The following ARRDC2 variants were observed in gnomAD, a reference collection of about 807,000 sequenced individuals.
ARRDC2 encodes the protein arrestin domain containing 2, also known as arrestin domain-containing protein 2.
Under a neutral mutation model 38.9 loss-of-function variants are expected in ARRDC2, and 39 were observed. That is an observed-to-expected ratio of 1.00 (90% CI 0.78 to 1.31). The LOEUF is 1.31. ARRDC2 is among the 50% of genes most tolerant of loss of function. The pLI is 0.00. For synonymous variants in ARRDC2, 300 were observed against 261.9 expected, an observed-to-expected ratio of 1.15 and a Z score of -1.41; for missense variants, 553 against 588.4, an observed-to-expected ratio of 0.94 and a Z score of 0.62.
At chr19:18,001,125 C>T, upstream of ARRDC2, 1 of 495,254 alleles carries the variant, frequency 2.0e-6, no homozygotes, top group Non-Finnish European at 2.8e-6. Context: ...GGGGCGGATG[C>T]AGAGGACCAG....
At chr19:18,001,580 C>A in intron 1 of ARRDC2, 1 of 1,320,616 alleles carries the variant, frequency 7.6e-7, no homozygotes, top group Non-Finnish European at 9.7e-7. Context: ...CGAGGTGAGA[C>A]ACTCGTCGCG....
At position 18,008,321 on chromosome 19, in the gene ARRDC2, A is replaced by G. The variant is rs773032256; in HGVS notation, c.11A>G (p.Asp4Gly). MLF[D>G]KVKAFSVQLD... ...CGCACCCCGGACGCGATGCTATTCG[A>G]CAAGGTGAAAGCGTTCTCGGTGCAG... The change falls in exon 1 of 8, where the codon GAC becomes GGC. Residue 4 changes from aspartate (D) to glycine (G), a missense_variant. This residue lies in a region of ARRDC2 where 447 missense variants were observed against 456.6 expected (regional missense o/e 0.98). Coordinates refer to ENST00000222250, the MANE Select transcript of ARRDC2 (RefSeq NM_015683.2). 4 of 1,595,030 alleles carry G rather than the reference A, an allele frequency of 2.5e-6. No individual in the cohort carries two copies. The highest frequency in any genetic ancestry group is 3.4e-6 in the Non-Finnish European group (4 of 1,178,388).
intron 7 of ARRDC2, among the ~76,000 whole-genome samples, chr19:18,012,378 G>A (rs893091073): frequency 1.3e-5 from 2 of 151,876 alleles, no homozygotes; most frequent in African/African-American, 4.8e-5. Context: ...CTTGAGGTCA[G>A]GAGTTTGAGA....
Position 18,008,535 on chromosome 19 carries a change from C to T in ARRDC2, c.225C>T (p.Tyr75=), listed in dbSNP as rs370715491. 1.8e-5 allele frequency: 28 copies of T among 1,555,158 alleles called. No individual in the cohort carries two copies. The Admixed American group carries it at 2.5e-4, about 14-fold the overall frequency. Residue 75 remains tyrosine (Y), a synonymous_variant, in exon 1 of 8, where the codon TAC becomes TAT. Transcript: ENST00000222250. Reference sequence around the variant, plus strand: ...CGAGCACGGCTTACACGCAGAGCTACAGTGAACGCGTGGAGGTCGTGAGCC... The same window carrying T: ...CGAGCACGGCTTACACGCAGAGCTATAGTGAACGCGTGGAGGTCGTGAGCC... ...AGSSTAYTQS[Y]SERVEVVSHR... is the part of the protein sequence containing the mutation.
intron 7 of ARRDC2, among the ~76,000 whole-genome samples, chr19:18,011,952 A>ATATATTT (rs1408676551): frequency 2.0e-5 from 2 of 100,780 alleles, no homozygotes; most frequent in African/African-American, 4.3e-5. Context: ...ATATATATAT[A>ATATATTT]TTTTTTTTTT....
intron 6 of ARRDC2, 49 bp downstream of exon 6, chr19:18,010,407 A>G (rs1430116866): frequency 6.3e-7 from 1 of 1,585,196 alleles, no homozygotes; most frequent in East Asian, 2.2e-5. Context: ...ATACACGGAG[A>G]GGTGGATGCC....
exon 1 of ARRDC2, chr19:18,001,549 C>T (rs2145993417): frequency 1.5e-6 from 2 of 1,376,820 alleles, no homozygotes; most frequent in African/African-American, 1.5e-5. Flanking sequence ...GACCTACCTG[C>T]GGCGTCGGCA....
At chr19:18,012,792 AC>A in intron 7 of ARRDC2, 120 bp from the exon 8 acceptor site, 1 of 1,011,162 alleles carries the variant, frequency 9.9e-7, no homozygotes. Flanking sequence ...CCTAGACACC[AC>A]CTCCTGATGG....
Position 18,008,376 on chromosome 19 carries a change from C to G in ARRDC2, c.66C>G (p.Pro22=), listed in dbSNP as rs773020251. Residue 22 remains proline (P), a synonymous_variant, in exon 1 of 8, where the codon CCC becomes CCG. Coordinates refer to ENST00000222250, the MANE Select transcript of ARRDC2 (RefSeq NM_015683.2). ...ACGGCGCGACCGCGGGCGTCGAGCC[C>G]GTGTTTAGCGGCGGCCAGGCCGTGG... The part of the protein sequence containing the change: ...QLDGATAGVE[P]VFSGGQAVAG... The G allele has an allele frequency of 1.9e-6, 3 of 1,595,436 alleles. No individual in the cohort carries two copies. The highest frequency in any genetic ancestry group is 2.5e-6 in the Non-Finnish European group (3 of 1,178,496).
At chr19:18,003,302 T>C (rs2033213003), upstream of ARRDC2, among the ~76,000 whole-genome samples, 2 of 152,132 alleles carry the variant, frequency 1.3e-5, no homozygotes, top group Admixed American at 1.3e-4. Context: ...GGTCTTACTC[T>C]GTTACTCAGG....
intron 7 of ARRDC2, among the ~76,000 whole-genome samples, chr19:18,011,467 A>G (rs181287637): frequency 2.0e-5 from 3 of 152,174 alleles, no homozygotes; most frequent in Non-Finnish European, 4.4e-5. Flanking sequence ...GAATTTCGCT[A>G]CATACAGTCG....
chr19:18,008,289 G>C lies in ARRDC2; in HGVS notation c.-22G>C. 6.3e-7 allele frequency: 1 copy of C among 1,587,776 alleles called. No homozygotes were observed. Among genetic ancestry groups the C allele is most frequent in the South Asian group, 1.1e-5 (1 of 90,268 alleles). ...AGTTCGAGGCCAGGTTCCGCCTGTCGTGGGTTCGCACCCCGGACGCGATGC... is the reference window on the plus strand; with the variant it reads ...AGTTCGAGGCCAGGTTCCGCCTGTCCTGGGTTCGCACCCCGGACGCGATGC... On this transcript the variant is annotated 5_prime_UTR_variant, in exon 1 of 8. Transcript: ENST00000222250.
upstream of ARRDC2, among the ~76,000 whole-genome samples, chr19:18,005,281 A>G (rs954387786): frequency 2.0e-5 from 3 of 152,242 alleles, no homozygotes; most frequent in South Asian, 2.1e-4. Context: ...GACACAGCAC[A>G]TGTTTCAGAG....
chr19:18,009,772 C>G lies in ARRDC2; in HGVS notation c.593-11C>G, dbSNP rs372826681. 1.9e-6 allele frequency: 3 copies of G among 1,613,016 alleles called. No homozygotes were observed. The highest frequency in any genetic ancestry group is 2.7e-5 in the African/African-American group (2 of 74,916). On this transcript the variant is annotated splice_polypyrimidine_tract_variant and intron_variant, in intron 4 of 7. Transcript: ENST00000222250. The stretch of plus-strand genomic sequence containing the variant: ...GAGGGGAAACTGAGGCCCCACTGCT[C>G]CTTGCTGCAGGAGAGGTCATCCCTG...
rs1375920554 is a variant in ARRDC2, at chr19:18,013,631, G to T, written c.*665G>T. Reference sequence around the variant, plus strand: ...CTATGTGGAGTCTGTGGGTGGCAGGGGCAGCCGCTCCAGCCTTTGAAGACT... The same window carrying T: ...CTATGTGGAGTCTGTGGGTGGCAGGTGCAGCCGCTCCAGCCTTTGAAGACT... On this transcript the variant is annotated 3_prime_UTR_variant, in exon 8 of 8. Transcript: ENST00000222250. The T allele has an allele frequency of 2.0e-5, 3 of 151,558 alleles. No homozygotes were observed. 9.4% of individuals were successfully genotyped at this position (151,558 alleles called of 1,614,324 possible).
chr19:18,008,315 T>C lies in ARRDC2; in HGVS notation c.5T>C (p.Leu2Pro), dbSNP rs767228899. M[L>P]FDKVKAFSVQ... is the part of the protein sequence containing the mutation. The stretch of plus-strand genomic sequence containing the variant: ...TGGGTTCGCACCCCGGACGCGATGC[T>C]ATTCGACAAGGTGAAAGCGTTCTCG... Residue 2 changes from leucine to proline, a missense_variant, in exon 1 of 8, where the codon CTA (leucine) becomes CCA (proline). Leu to Pro is a moderately conservative substitution (Grantham distance 98, BLOSUM62 -3). Around this residue, in one of 3 missense-constraint regions of ARRDC2, gnomAD observed 447 missense variants for 456.6 expected, o/e 0.98. Coordinates refer to ENST00000222250, the MANE Select transcript of ARRDC2 (RefSeq NM_015683.2). 1 of 1,595,140 alleles carries C rather than the reference T, an allele frequency of 6.3e-7. No homozygotes were observed. The highest frequency in any genetic ancestry group is 1.7e-5 in the Admixed American group (1 of 59,566).
chr19:18,004,472 C>T (rs931539436), upstream of ARRDC2, among the ~76,000 whole-genome samples: 1 of 150,476 alleles, frequency 6.6e-6, no homozygotes, highest in Non-Finnish European at 1.5e-5. Flanking sequence ...GTCTCGAACT[C>T]CTGACCTCAG....
At chr19:18,008,674 C>A in intron 1 of ARRDC2, 37 bp from the exon 2 acceptor site, 1 of 1,610,278 alleles carries the variant, frequency 6.2e-7, no homozygotes, top group East Asian at 2.2e-5. Context: ...GACCCCAGCG[C>A]AACCGCTCAG....
Position 18,008,581 on chromosome 19 carries a change from C to G in ARRDC2, c.271C>G (p.Pro91Ala), listed in dbSNP as rs1296711494. The part of the protein sequence containing the change: ...VVSHRATLLA[P>A]DTGETTTLPP... ...GAGCCACCGCGCCACGCTCCTGGCG[C>G]CAGGTACGGATGGAGGACCCCTGCT... The change falls in exon 1 of 8, where the codon CCA becomes GCA. Residue 91 changes from proline (P) to alanine (A), a missense_variant. By Grantham distance (27) the Pro-to-Ala change is conservative. Transcript: ENST00000222250. The G allele has an allele frequency of 1.3e-6, 2 of 1,587,636 alleles. No homozygotes were observed. The highest frequency in any genetic ancestry group is 2.2e-5 in the South Asian group (2 of 90,154).
Sources: gnomAD v4.1 joint callset for allele counts (sites outside exome capture counted in the v4.1 genomes callset) on GRCh38, gnomAD v4.1.1 for gene constraint, gnomAD v4.1.1 regional missense constraint, MANE v1.5 for transcripts, NCBI Gene and HGNC (gene_info 2026-07-23, HGNC 2026-07-21) for gene names.